GLT1D1: variants seen among roughly 807,000 people sequenced by gnomAD.
GLT1D1 encodes glycosyltransferase 1 domain containing 1.
Under a neutral mutation model 28.7 loss-of-function variants are expected in GLT1D1, and 21 were observed. That is an observed-to-expected ratio of 0.73 (90% CI 0.52 to 1.05). The LOEUF (loss-of-function observed/expected upper bound fraction) is 1.05, where lower values mean the gene tolerates loss of function less well. GLT1D1 is among the 50% of genes least tolerant of loss of function. The pLI is 0.00. For synonymous variants in GLT1D1, 147 were observed against 124.8 expected, an observed-to-expected ratio of 1.18 and a Z score of -1.19; for missense variants, 343 against 330.6, an observed-to-expected ratio of 1.04 and a Z score of -0.29.
At chr12:128,944,779 G>A (rs1007685083) in intron 4 of GLT1D1, 24 of 435,864 alleles carry the variant, frequency 5.5e-5, no homozygotes, top group Non-Finnish European at 8.1e-5. Flanking sequence ...TGAAAGCCTT[G>A]GCTAACACGT....
chr12:128,864,013 T>G (rs1255565242), intron 1 of GLT1D1: 1 of 426,016 alleles, frequency 2.3e-6, no homozygotes, highest in African/African-American at 2.1e-5. Context: ...TGCGATGCTG[T>G]GGCAGCGGGG....
Position 128,944,473 on chromosome 12 carries a change from T to C in GLT1D1, c.376-853T>C. ...CATCTCTGGTTTATCATCCTCACGC[T>C]GAATGAGCGGCTCCCCTGTCAGAGC... is the stretch of plus-strand genomic sequence containing the variant. On this transcript the variant is annotated intron_variant, in intron 4 of 7. Coordinates refer to ENST00000281703, the MANE Select transcript of GLT1D1 (RefSeq NM_144669.3). The C allele has an allele frequency of 2.3e-6, 3 of 1,302,226 alleles. No individual in the cohort carries two copies. The South Asian group carries it at 3.6e-5, about 15-fold the overall frequency. 80.7% of individuals were successfully genotyped at this position (1,302,226 alleles called of 1,614,324 possible).
chr12:128,978,692 A>G (rs1347055471), intron 7 of GLT1D1, among the ~76,000 whole-genome samples: 2 of 152,178 alleles, frequency 1.3e-5, no homozygotes, highest in Non-Finnish European at 2.9e-5. Flanking sequence ...CGTAAAGTGA[A>G]AGCGAGTTTA....
At chr12:128,951,995 G>T (rs622733) in intron 6 of GLT1D1, among the ~76,000 whole-genome samples, 130,359 of 152,202 alleles carry the variant, frequency 0.86, 55,885 homozygotes, top group Middle Eastern at 0.91. Context: ...GCGTCTCCCC[G>T]TGCACTGTGG....
chr12:128,882,056 C>T (rs1957073077), intron 2 of GLT1D1, among the ~76,000 whole-genome samples: 1 of 151,980 alleles, frequency 6.6e-6, no homozygotes, highest in African/African-American at 2.4e-5. Flanking sequence ...ATACATATTG[C>T]CAAGTTATAA....
At chr12:128,855,761 T>C (rs1956202651) in intron 1 of GLT1D1, among the ~76,000 whole-genome samples, 1 of 148,386 alleles carries the variant, frequency 6.7e-6, no homozygotes, top group Non-Finnish European at 1.5e-5. Flanking sequence ...TTTTTTTTTT[T>C]TTTTTTTTTG....
At chr12:128,888,530 C>G in intron 2 of GLT1D1, 109 bp from the exon 3 acceptor site, 1 of 690,986 alleles carries the variant, frequency 1.4e-6, no homozygotes, top group Non-Finnish European at 2.5e-6. Context: ...CAGCAACAAA[C>G]AGCTCCGGCG....
chr12:128,873,826 T>C (rs1042857897), intron 1 of GLT1D1, among the ~76,000 whole-genome samples: 1 of 148,010 alleles, frequency 6.8e-6, no homozygotes, highest in Non-Finnish European at 1.5e-5. Context: ...TTTCTTTCTT[T>C]CCCCCTTCCT....
intron 4 of GLT1D1, among the ~76,000 whole-genome samples, chr12:128,936,610 C>G (rs1469525160): frequency 1.3e-5 from 2 of 152,174 alleles, no homozygotes; most frequent in African/African-American, 2.4e-5. Context: ...TCTCTGCTTG[C>G]AGGCGATCAT....
At chr12:128,922,162 CTG>C (rs57835879) in intron 4 of GLT1D1, among the ~76,000 whole-genome samples, 84,308 of 148,588 alleles carry the variant, frequency 0.57, 24,151 homozygotes, top group South Asian at 0.7. Context: ...TATGTAAACT[CTG>C]TGTGTGTGTG....
At chr12:128,965,083 G>A (rs1457616262) in intron 7 of GLT1D1, among the ~76,000 whole-genome samples, 2 of 152,234 alleles carry the variant, frequency 1.3e-5, no homozygotes, top group Non-Finnish European at 1.5e-5. Context: ...TGTTATGGTA[G>A]GCTACGTGGC....
intron 2 of GLT1D1, among the ~76,000 whole-genome samples, chr12:128,878,972 A>G (rs530254925): frequency 2.0e-5 from 3 of 152,290 alleles, no homozygotes; most frequent in East Asian, 1.9e-4. Flanking sequence ...TGAATGTGAA[A>G]GAAGTGTAGA....
chr12:128,861,775 C>G (rs1232915219), intron 1 of GLT1D1, among the ~76,000 whole-genome samples: 1 of 150,146 alleles, frequency 6.7e-6, no homozygotes, highest in Non-Finnish European at 1.5e-5. Context: ...TGCAAACATC[C>G]TTTGCATCCA....
intron 1 of GLT1D1, among the ~76,000 whole-genome samples, chr12:128,861,159 G>T (rs1345228489): frequency 6.6e-6 from 1 of 152,210 alleles, no homozygotes. Context: ...ACAAACTGCT[G>T]CCTGCCCGGG....
intron 4 of GLT1D1, among the ~76,000 whole-genome samples, chr12:128,912,844 A>G (rs1871689825): frequency 6.6e-6 from 1 of 151,716 alleles, no homozygotes; most frequent in South Asian, 2.1e-4. Flanking sequence ...TTTTTTTTGT[A>G]TTCCTTGTAG....
In GLT1D1 at chr12:128,944,424, A is replaced by G. The variant is rs1257696052; in HGVS notation, c.376-902A>G. 15 of 1,324,220 alleles carry G rather than the reference A, an allele frequency of 1.1e-5. No homozygotes were observed. The Admixed American group carries it at 1.5e-4, about 14-fold the overall frequency. The allele number at this position is 1,324,220 out of a possible 1,614,324, so 82.0% of individuals were successfully genotyped here. A position where few individuals can be genotyped will look rare whatever the true frequency, so the allele number is the denominator to read the frequency against. ...TCCAGGACTGGCTTTGTTTGGCTTC[A>G]TAAGCCTTTAGTCTCTTGATAACCA... On this transcript the variant is annotated intron_variant, in intron 4 of 7. Transcript: ENST00000281703.
Position 128,888,722 on chromosome 12 carries a change from G to GGC in GLT1D1, c.302_303dup (p.Arg102AlafsTer17), listed in dbSNP as rs1868683302. ...CCAGGCGGAAAAAAACACAGTCATG[G>GGC]GCAGAGTTCTTGAGGAAGCCAGGTA... On this transcript the variant is annotated frameshift_variant, in exon 3 of 8. Coordinates refer to ENST00000281703, the MANE Select transcript of GLT1D1 (RefSeq NM_144669.3). LOFTEE classifies it high-confidence loss of function. 1.2e-6 allele frequency: 2 copies of GGC among 1,611,896 alleles called. No individual in the cohort carries two copies. Among genetic ancestry groups the GGC allele is most frequent in the Non-Finnish European group, 1.7e-6 (2 of 1,178,096 alleles).
rs558992101 is a variant in GLT1D1, at chr12:128,920,983, G to C, written c.375+21696G>C. 1.1e-3 allele frequency among the ~76,000 whole-genome samples: 168 copies of C among 152,310 alleles called. 1 individual carries two copies. Among genetic ancestry groups the C allele is most frequent in the African/African-American group, 4.0e-3 (165 of 41,580 alleles). On this transcript the variant is annotated intron_variant, in intron 4 of 7. Coordinates refer to ENST00000281703, the MANE Select transcript of GLT1D1 (RefSeq NM_144669.3). ...CTTATTTAATAGTTCTTTGTTAAAA[G>C]CTAAGAATTTATACCACCTTAAAGC...
intron 4 of GLT1D1, among the ~76,000 whole-genome samples, chr12:128,915,624 A>G (rs1001004339): frequency 3.9e-5 from 6 of 152,264 alleles, no homozygotes; most frequent in African/African-American, 1.4e-4. Context: ...CAGCCTCCCA[A>G]AGTGCTGGGA....
Sources: gnomAD v4.1 joint callset for allele counts (sites outside exome capture counted in the v4.1 genomes callset) on GRCh38, gnomAD v4.1.1 for gene constraint, MANE v1.5 for transcripts, NCBI Gene and HGNC (gene_info 2026-07-23, HGNC 2026-07-21) for gene names.